Variants in RBM25 observed in about 807,000 individuals in gnomAD.
The protein encoded by RBM25 is RNA-binding protein 25.
In RBM25, 19 loss-of-function variants were observed where a neutral mutation model predicts 120.7. The observed-to-expected ratio is 0.16, with a 90% confidence interval of 0.11 to 0.23. The LOEUF (loss-of-function observed/expected upper bound fraction) is 0.23, where lower values mean the gene tolerates loss of function less well. Among genes scored for constraint, RBM25 ranks in the 10% least tolerant of loss-of-function variants. The pLI is 1.00. For synonymous variants in RBM25, 390 were observed against 326.7 expected (o/e 1.19, Z -2.09); for missense variants, 605 against 1,041.5 (o/e 0.58, Z 5.77).
intron 1 of RBM25, chr14:73,064,839 G>A (rs1895088529): frequency 6.6e-6 from 1 of 151,244 alleles, no homozygotes; most frequent in South Asian, 2.1e-4. Context: ...TGAAGTGAAT[G>A]GAATGGGTAT....
At chr14:73,086,558 C>G (rs1010097068) in intron 5 of RBM25, among the ~76,000 whole-genome samples, 7 of 151,974 alleles carry the variant, frequency 4.6e-5, no homozygotes, top group Admixed American at 6.6e-5. Flanking sequence ...TTTGTATCTC[C>G]TTTTTCCCCA....
At chr14:73,103,948 TCA>T (rs368961634) in intron 10 of RBM25, among the ~76,000 whole-genome samples, 171 of 91,354 alleles carry the variant, frequency 1.9e-3, no homozygotes, top group Non-Finnish European at 2.9e-3. Context: ...TCTCTCTCTC[TCA>T]CACACACACA....
intron 1 of RBM25, chr14:73,068,446 T>C (rs914745295): frequency 1.4e-6 from 1 of 717,396 alleles, no homozygotes; most frequent in Non-Finnish European, 2.5e-6. Context: ...GACTACCAGC[T>C]GTATTATCAG....
Position 73,106,041 on chromosome 14 carries a change from T to C in RBM25, c.1337T>C (p.Leu446Pro), listed in dbSNP as rs1448105467. ...GAAGATGCATACGAACGAAGAAAAC[T>C]TGAAAGAAAACTCCGAGAGAAAGAA... ...DEEDAYERRK[L>P]ERKLREKEAA... The change falls in exon 11 of 19, where the codon CTT becomes CCT. Residue 446 changes from leucine (L) to proline (P), a missense_variant. Coordinates refer to ENST00000261973, the MANE Select transcript of RBM25 (RefSeq NM_021239.3). The C allele has an allele frequency of 6.2e-7, 1 of 1,609,632 alleles. No individual in the cohort carries two copies. Among genetic ancestry groups the C allele is most frequent in the Non-Finnish European group, 8.5e-7 (1 of 1,179,112 alleles).
In RBM25 at chr14:73,097,196, C is replaced by CTTTTTTTTTTT. The variant is rs11390922; in HGVS notation, c.729+108_729+118dup. 205 of 140,060 alleles carry CTTTTTTTTTTT rather than the reference C, an allele frequency of 1.5e-3. 18 individuals are homozygous for CTTTTTTTTTTT. Among genetic ancestry groups the CTTTTTTTTTTT allele is most frequent in the African/African-American group, 3.2e-3 (50 of 15,634 alleles). The allele number at this position is 140,060 out of a possible 1,614,324, so 8.7% of individuals were successfully genotyped here. A position where few individuals can be genotyped will look rare whatever the true frequency, so the allele number is the denominator to read the frequency against. ...ACATGTCAGTTTTCTTTTTTCTTTT[C>CTTTTTTTTTTT]TTTTTTTTTTTTTTTTTTTTTTGAG... On this transcript the variant is annotated intron_variant, in intron 7 of 18. Transcript: ENST00000261973.
intron 14 of RBM25, among the ~76,000 whole-genome samples, chr14:73,109,922 T>G (rs1473091759): frequency 2.0e-5 from 3 of 151,788 alleles, no homozygotes; most frequent in South Asian, 2.1e-4. Flanking sequence ...TCTCGCTGTG[T>G]CGCCCAGGCT....
At chr14:73,107,476 A>G (rs1197600601) in intron 12 of RBM25, 1 of 206,196 alleles carries the variant, frequency 4.8e-6, no homozygotes, top group African/African-American at 2.4e-5. Context: ...GTACAACTGT[A>G]GAGAGATAGC....
chr14:73,114,481 C>T, intron 18 of RBM25, 148 bp downstream of exon 18: 1 of 518,392 alleles, frequency 1.9e-6, no homozygotes, highest in Non-Finnish European at 3.3e-6. Flanking sequence ...CTCAGCCTCC[C>T]AAAGTGTTGA....
rs746168438 is a variant in RBM25 at position 73,103,148 on chromosome 14, G to A, written c.868-44G>A. ...TTGCGCCGGGAAAAATCTGAATACT[G>A]GAGCTACAGAGTTAACTCTAAAAGT... On this transcript the variant is annotated intron_variant, in intron 9 of 18. Coordinates refer to ENST00000261973, the MANE Select transcript of RBM25 (RefSeq NM_021239.3). 3 of 1,574,112 alleles carry A rather than the reference G, an allele frequency of 1.9e-6. No homozygotes were observed. The Admixed American group carries it at 5.9e-5, about 31-fold the overall frequency.
chr14:73,093,516 C>T (rs902669044), intron 6 of RBM25, among the ~76,000 whole-genome samples: 4 of 152,118 alleles, frequency 2.6e-5, no homozygotes, highest in Middle Eastern at 3.2e-3. Context: ...TGGTTTCTCC[C>T]TCTCTGCCCA....
Position 73,084,527 on chromosome 14 carries a change from C to T in RBM25, c.382+976C>T, listed in dbSNP as rs768661200. Reference sequence around the variant, plus strand: ...GGTCAGTAGTTGTACTTGATGTGTGCTGTGTGGTGGTTTGTTTTGTTTTGT... The same window carrying T: ...GGTCAGTAGTTGTACTTGATGTGTGTTGTGTGGTGGTTTGTTTTGTTTTGT... On this transcript the variant is annotated intron_variant, in intron 5 of 18. Coordinates refer to ENST00000261973, the MANE Select transcript of RBM25 (RefSeq NM_021239.3). Among the ~76,000 whole-genome samples the T allele has an allele frequency of 5.3e-5, 8 of 151,898 alleles. No individual in the cohort carries two copies. The South Asian group carries it at 1.7e-3, about 32-fold the overall frequency.
intron 6 of RBM25, among the ~76,000 whole-genome samples, chr14:73,090,643 T>C (rs1396938063): frequency 6.6e-6 from 1 of 152,246 alleles, no homozygotes; most frequent in Non-Finnish European, 1.5e-5. Flanking sequence ...GCTGTTTTAG[T>C]AGATATTGTT....
intron 1 of RBM25, among the ~76,000 whole-genome samples, chr14:73,067,638 C>G (rs1895171567): frequency 7.2e-6 from 1 of 139,352 alleles, no homozygotes; most frequent in Admixed American, 7.3e-5. Flanking sequence ...GAGTCTCGCT[C>G]TGTTGCCCAG....
chr14:73,089,645 A>G (rs1432825188), intron 6 of RBM25, among the ~76,000 whole-genome samples: 1 of 145,244 alleles, frequency 6.9e-6, no homozygotes, highest in Admixed American at 6.8e-5. Flanking sequence ...GTGAGCCACC[A>G]CACCTGGCCA....
At chr14:73,112,714 A>G (rs1195765059) in intron 17 of RBM25, among the ~76,000 whole-genome samples, 2 of 152,078 alleles carry the variant, frequency 1.3e-5, no homozygotes, top group African/African-American at 4.8e-5. Context: ...TATCGTAGTA[A>G]CGATCAGTGT....
intron 7 of RBM25, among the ~76,000 whole-genome samples, chr14:73,098,124 T>C (rs551382880): frequency 6.6e-6 from 1 of 152,114 alleles, no homozygotes; most frequent in Admixed American, 6.5e-5. Flanking sequence ...CCACAAATAT[T>C]GGAAGTGTTT....
intron 6 of RBM25, among the ~76,000 whole-genome samples, chr14:73,091,375 G>C (rs1895809846): frequency 6.6e-6 from 1 of 152,004 alleles, no homozygotes; most frequent in Admixed American, 6.6e-5. Flanking sequence ...CCACCATACT[G>C]GCTAAGTTTT....
chr14:73,100,170 G>A, intron 9 of RBM25: 1 of 521,200 alleles, frequency 1.9e-6, no homozygotes. Context: ...TATTTGTATA[G>A]ATTTAAGTTG....
intron 5 of RBM25, among the ~76,000 whole-genome samples, chr14:73,085,496 G>A (rs1895663599): frequency 6.9e-6 from 1 of 145,344 alleles, no homozygotes; most frequent in Non-Finnish European, 1.5e-5. Context: ...CCAGACTGGA[G>A]TGCGATGGCA....
Sources: gnomAD v4.1 joint callset for allele counts (sites outside exome capture counted in the v4.1 genomes callset) on GRCh38, gnomAD v4.1.1 for gene constraint, MANE v1.5 for transcripts, NCBI Gene and HGNC (gene_info 2026-07-23, HGNC 2026-07-21) for gene names.